ANK2: variants seen among roughly 807,000 people sequenced by gnomAD.
ANK2 encodes ankyrin 2.
ANK2 carries 83 observed loss-of-function variants against 360.5 expected under a neutral mutation model. The ratio of observed to expected loss-of-function variants is 0.23; its 90% CI spans 0.19 to 0.28. The LOEUF is 0.28. ANK2 is among the 10% of genes least tolerant of loss of function. The pLI is 1.00. For missense variants in ANK2, 4,201 were observed against 4,795.7 expected (o/e 0.88, Z 3.66); for synonymous variants, 1,740 against 1,759.5 (o/e 0.99, Z 0.28).
intron 23 of ANK2, among the ~76,000 whole-genome samples, chr4:113,304,745 T>C (rs1411639987): frequency 6.6e-6 from 1 of 152,154 alleles, no homozygotes; most frequent in Non-Finnish European, 1.5e-5. Flanking sequence ...TTAATAGTTA[T>C]GTGATTTTTA....
chr4:112,903,349 A>G (rs1192774730), intron 1 of ANK2, among the ~76,000 whole-genome samples: 1 of 152,188 alleles, frequency 6.6e-6, no homozygotes, highest in African/African-American at 2.4e-5. Flanking sequence ...TTTAAAAATT[A>G]TACTGAGATG....
At position 113,363,374 on chromosome 4, in the gene ANK2, T is replaced by A; in HGVS notation, c.10793T>A (p.Ile3598Asn). 6.2e-7 allele frequency: 1 copy of A among 1,613,462 alleles called. No individual in the cohort carries two copies. Among genetic ancestry groups the A allele is most frequent in the Non-Finnish European group, 8.5e-7 (1 of 1,179,654 alleles). The change falls in exon 40 of 46, where the codon ATT (isoleucine) becomes AAT (asparagine). Residue 3598 changes from isoleucine (I) to asparagine (N), a missense_variant. By Grantham distance (149) the Ile-to-Asn change is moderately radical. Around this residue, in one of 4 missense-constraint regions of ANK2, gnomAD observed 2,642 missense variants for 2,714.5 expected, o/e 0.97. Transcript: ENST00000357077. ...ARELDFTEEQ[I>N]HQIRIENPNS... ...GAACTGGATTTCACTGAGGAGCAAA[T>A]TCATCAAATTCGAATTGAAAATCCC...
At chr4:113,303,255 T>C (rs899814914) in intron 23 of ANK2, among the ~76,000 whole-genome samples, 8 of 152,206 alleles carry the variant, frequency 5.3e-5, no homozygotes, top group Non-Finnish European at 1.2e-4. Flanking sequence ...TGTTCTTCAA[T>C]TGAGAAATCT....
At chr4:112,796,462 A>ATT in the ANK2 span, among the ~76,000 whole-genome samples, 1 of 74,648 alleles carries the variant, frequency 1.3e-5, no homozygotes, top group South Asian at 4.7e-4. Context: ...CTATCTATAT[A>ATT]TATACACACA....
intron 1 of ANK2, among the ~76,000 whole-genome samples, chr4:113,069,637 T>C (rs996608525): frequency 3.3e-5 from 5 of 152,226 alleles, no homozygotes; most frequent in African/African-American, 1.2e-4. Context: ...CATCTCTTTA[T>C]TGCACCATCA....
chr4:113,359,287 G>A lies in ANK2; in HGVS notation c.10669G>A (p.Asp3557Asn). 2 of 1,613,788 alleles carry A rather than the reference G, an allele frequency of 1.2e-6. No individual in the cohort carries two copies. The highest frequency in any genetic ancestry group is 8.5e-7 in the Non-Finnish European group (1 of 1,179,874). The change falls in exon 38 of 46, where the codon GAC (aspartate) becomes AAC (asparagine). Residue 3557 changes from aspartate to asparagine, a missense_variant. This residue lies in a region of ANK2 where 2,642 missense variants were observed against 2,714.5 expected (regional missense o/e 0.97). Coordinates refer to ENST00000357077, the MANE Select transcript of ANK2 (RefSeq NM_001148.6). ...ACGCATCCCTGATGAAAATGGCCAT[G>A]ACCATGCTGAAGGTATTTGCCAGCC... ...IERIPDENGH[D>N]HAEDPQDEQE...
chr4:113,294,199 A>G (rs1167805201), intron 22 of ANK2, among the ~76,000 whole-genome samples: 1 of 152,218 alleles, frequency 6.6e-6, no homozygotes, highest in African/African-American at 2.4e-5. Flanking sequence ...CTAGAAGAGT[A>G]AAGACCATGA....
chr4:113,154,176 A>G (rs1184960065), intron 1 of ANK2, among the ~76,000 whole-genome samples: 2 of 152,238 alleles, frequency 1.3e-5, no homozygotes, highest in Admixed American at 6.5e-5. Flanking sequence ...CTTAAAAGTA[A>G]GAAAATATCT....
At chr4:112,832,016 G>T (rs186337948) in intron 1 of ANK2, among the ~76,000 whole-genome samples, 3 of 152,266 alleles carry the variant, frequency 2.0e-5, no homozygotes, top group African/African-American at 7.2e-5. Flanking sequence ...CACTGCAAGC[G>T]TCCATGGCTT....
At chr4:113,233,138 T>C (rs1204940850) in intron 5 of ANK2, among the ~76,000 whole-genome samples, 3 of 40,262 alleles carry the variant, frequency 7.5e-5, no homozygotes, top group Admixed American at 3.3e-4. Context: ...TTTTTTTTTT[T>C]TTTTTTTTTT....
intron 45 of ANK2, 84 bp from the exon 46 acceptor site, chr4:113,381,373 T>A: frequency 1.4e-6 from 2 of 1,410,806 alleles, no homozygotes; most frequent in Non-Finnish European, 2.0e-6. Flanking sequence ...CATTAGGTAC[T>A]CAGTGTAATG....
intron 43 of ANK2, among the ~76,000 whole-genome samples, chr4:113,370,742 A>G (rs531626392): frequency 1.3e-5 from 2 of 152,234 alleles, no homozygotes; most frequent in African/African-American, 2.4e-5. Context: ...CCTGGGCGAC[A>G]GAGCAAGACT....
intron 1 of ANK2, among the ~76,000 whole-genome samples, chr4:113,161,800 T>G (rs987412069): frequency 2.0e-5 from 3 of 151,946 alleles, no homozygotes; most frequent in African/African-American, 7.3e-5. Context: ...TTAAATATGT[T>G]GATGGGTCAG....
At chr4:112,784,829 A>T in the ANK2 span, among the ~76,000 whole-genome samples, 5 of 152,188 alleles carry the variant, frequency 3.3e-5, no homozygotes, top group Non-Finnish European at 5.9e-5. Context: ...TCCTTTCTGA[A>T]AATTTTCCAA....
chr4:113,326,538 A>G (rs1022633242), intron 26 of ANK2, among the ~76,000 whole-genome samples: 1 of 151,994 alleles, frequency 6.6e-6, no homozygotes, highest in Non-Finnish European at 1.5e-5. Context: ...TAGCTTTTTT[A>G]TATCTTCCAA....
chr4:112,971,299 G>T (rs769779800), intron 2 of ANK2, among the ~76,000 whole-genome samples: 2 of 152,132 alleles, frequency 1.3e-5, no homozygotes, highest in African/African-American at 4.8e-5. Flanking sequence ...GACTTTATTC[G>T]CATTTCTACT....
At chr4:113,037,829 T>G (rs564486534) in intron 2 of ANK2, among the ~76,000 whole-genome samples, 1 of 152,112 alleles carries the variant, frequency 6.6e-6, no homozygotes, top group African/African-American at 2.4e-5. Context: ...TATATAGGTT[T>G]TGTTAAGGTC....
chr4:113,013,978 C>A (rs2154293630), intron 2 of ANK2, among the ~76,000 whole-genome samples: 1 of 152,024 alleles, frequency 6.6e-6, no homozygotes, highest in East Asian at 1.9e-4. Flanking sequence ...TGTTTCATTC[C>A]AATCTTGTAT....
chr4:112,861,839 C>CAGACAGAGAGAGAGAGAGAG (rs1553951298), intron 1 of ANK2, among the ~76,000 whole-genome samples: 1 of 140,406 alleles, frequency 7.1e-6, no homozygotes, highest in Admixed American at 7.3e-5. Flanking sequence ...TACATAGAGA[C>CAGACAGAGAGAGAGAGAGAG]AGAGAGAGAG....
Sources: gnomAD v4.1 joint callset for allele counts (sites outside exome capture counted in the v4.1 genomes callset) on GRCh38, gnomAD v4.1.1 for gene constraint, gnomAD v4.1.1 regional missense constraint, MANE v1.5 for transcripts, NCBI Gene and HGNC (gene_info 2026-07-23, HGNC 2026-07-21) for gene names.